The following CNTN5 variants were observed in gnomAD, a reference collection of about 807,000 sequenced individuals.
The protein encoded by CNTN5 is contactin-5.
CNTN5 carries 77 observed loss-of-function variants against 129.1 expected under a neutral mutation model. That is an observed-to-expected ratio of 0.60 (90% CI 0.50 to 0.72). The LOEUF (loss-of-function observed/expected upper bound fraction) is 0.72, where lower values mean the gene tolerates loss of function less well. Among genes scored for constraint, CNTN5 ranks in the 30% least tolerant of loss-of-function variants. The probability of loss-of-function intolerance (pLI) is 0.00; values close to 1 mark genes in which losing one functional copy is unlikely to be tolerated. For synonymous variants in CNTN5, 509 were observed against 465.6 expected (o/e 1.09, Z -1.20); for missense variants, 1,478 against 1,328.8 (o/e 1.11, Z -1.75).
intron 3 of CNTN5, among the ~76,000 whole-genome samples, chr11:99,660,038 A>G (rs150387065): frequency 6.6e-6 from 1 of 152,184 alleles, no homozygotes; most frequent in African/African-American, 2.4e-5. Context: ...ATTGGTTACC[A>G]GTATGCAGAA....
intron 3 of CNTN5, among the ~76,000 whole-genome samples, chr11:99,773,325 T>C (rs1945007657): frequency 1.3e-5 from 2 of 152,260 alleles, no homozygotes; most frequent in African/African-American, 4.8e-5. Flanking sequence ...GTTCTAAAAA[T>C]TATTGGTGAT....
chr11:99,570,332 T>C (rs1381226417), intron 3 of CNTN5, among the ~76,000 whole-genome samples: 3 of 152,280 alleles, frequency 2.0e-5, no homozygotes, highest in East Asian at 1.9e-4. Flanking sequence ...CCTGAAGGAA[T>C]TGACTGTTTT....
At chr11:100,150,666 T>TCATCAACACAA (rs1947025181) in intron 13 of CNTN5, among the ~76,000 whole-genome samples, 3 of 151,844 alleles carry the variant, frequency 2.0e-5, no homozygotes, top group Non-Finnish European at 4.4e-5. Flanking sequence ...ATCAGTAAAA[T>TCATCAACACAA]GTCATCAACA....
At chr11:99,306,025 A>G (rs531286071) in intron 1 of CNTN5, among the ~76,000 whole-genome samples, 1 of 152,254 alleles carries the variant, frequency 6.6e-6, no homozygotes, top group African/African-American at 2.4e-5. Context: ...AGATGTCTAG[A>G]AGAACTATGA....
At chr11:100,342,722 T>C (rs1368066781) in intron 23 of CNTN5, among the ~76,000 whole-genome samples, 3 of 152,170 alleles carry the variant, frequency 2.0e-5, no homozygotes, top group African/African-American at 7.2e-5. Flanking sequence ...CTAATGTTTC[T>C]AGAATGGATG....
chr11:99,167,028 T>C (rs1399100949), intron 1 of CNTN5, among the ~76,000 whole-genome samples: 1 of 152,204 alleles, frequency 6.6e-6, no homozygotes, highest in Non-Finnish European at 1.5e-5. Context: ...GAGGCTGCTG[T>C]GTACTTTTTC....
At chr11:99,527,256 A>G (rs1947522331) in intron 2 of CNTN5, among the ~76,000 whole-genome samples, 1 of 152,228 alleles carries the variant, frequency 6.6e-6, no homozygotes, top group Non-Finnish European at 1.5e-5. Flanking sequence ...ACATTTATTC[A>G]GCACAGCCAA....
intron 3 of CNTN5, among the ~76,000 whole-genome samples, chr11:99,701,859 G>C (rs1016576927): frequency 6.0e-5 from 9 of 150,774 alleles, no homozygotes; most frequent in Admixed American, 2.7e-4. Flanking sequence ...CTTTGACTTG[G>C]CCTTTAACAT....
chr11:99,187,632 A>T (rs1264428348), intron 1 of CNTN5, among the ~76,000 whole-genome samples: 2 of 151,816 alleles, frequency 1.3e-5, no homozygotes, highest in Admixed American at 6.6e-5. Context: ...ATGGTTTCAA[A>T]TGAACTTATC....
intron 2 of CNTN5, among the ~76,000 whole-genome samples, chr11:99,547,248 G>A (rs188200045): frequency 5.3e-5 from 8 of 152,006 alleles, no homozygotes; most frequent in Admixed American, 2.6e-4. Context: ...CAGGTGATCC[G>A]CCTGCCTCGG....
intron 4 of CNTN5, among the ~76,000 whole-genome samples, chr11:99,840,520 G>GAA (rs60299337): frequency 1.8e-4 from 27 of 146,028 alleles, no homozygotes; most frequent in African/African-American, 6.8e-4. Flanking sequence ...TCTTTTCTAA[G>GAA]AAAAAAAAAA....
In CNTN5 at chr11:99,623,748, T is replaced by TA. The variant is rs3029363; in HGVS notation, c.55+67490dup. 3.5e-3 allele frequency among the ~76,000 whole-genome samples: 491 copies of TA among 139,662 alleles called. 4 individuals are homozygous for TA. The highest frequency in any genetic ancestry group is 0.011 in the African/African-American group (430 of 37,886). The allele number at this position is 139,662 out of a possible 152,430, so 91.6% of individuals were successfully genotyped here. A position where few individuals can be genotyped will look rare whatever the true frequency, so the allele number is the denominator to read the frequency against. The stretch of plus-strand genomic sequence containing the variant: ...GTTTAGCAGAGAAAGATACAAAAAA[T>TA]AAAAAAAAAAAGATAAAAGCTGTGC... On this transcript the variant is annotated intron_variant, in intron 3 of 24. Transcript: ENST00000524871.
intron 1 of CNTN5, among the ~76,000 whole-genome samples, chr11:99,063,883 A>G (rs1437166326): frequency 1.3e-5 from 2 of 152,124 alleles, no homozygotes; most frequent in East Asian, 1.9e-4. Context: ...GCAACATATT[A>G]CAATTTGTGT....
At chr11:99,167,703 T>G (rs67874369) in intron 1 of CNTN5, among the ~76,000 whole-genome samples, 36,677 of 151,954 alleles carry the variant, frequency 0.24, 4,550 homozygotes, top group Middle Eastern at 0.27. Context: ...ACTTATGAAT[T>G]TATTCATTCT....
chr11:99,799,739 C>T (rs1946056389), intron 3 of CNTN5, among the ~76,000 whole-genome samples: 2 of 152,038 alleles, frequency 1.3e-5, no homozygotes, highest in East Asian at 1.9e-4. Flanking sequence ...GCTTTGGTAA[C>T]TTGGGTTGAT....
chr11:99,574,873 T>A (rs1485974181), intron 3 of CNTN5, among the ~76,000 whole-genome samples: 1 of 152,142 alleles, frequency 6.6e-6, no homozygotes, highest in Admixed American at 6.6e-5. Context: ...TGTCTGTTCA[T>A]TCTGATGATA....
chr11:99,675,228 G>C (rs184064889), intron 3 of CNTN5, among the ~76,000 whole-genome samples: 1 of 152,248 alleles, frequency 6.6e-6, no homozygotes, highest in East Asian at 1.9e-4. Flanking sequence ...TTAATAGAGA[G>C]TAAACCCATA....
chr11:99,049,586 C>G (rs180984229), intron 1 of CNTN5: 1 of 152,086 alleles, frequency 6.6e-6, no homozygotes, highest in East Asian at 1.9e-4. Flanking sequence ...TTTTTCAAAT[C>G]CCAGTCATCT....
intron 1 of CNTN5, among the ~76,000 whole-genome samples, chr11:99,202,436 T>A (rs907209663): frequency 5.3e-5 from 8 of 152,188 alleles, no homozygotes; most frequent in African/African-American, 1.9e-4. Flanking sequence ...TAAAATACTT[T>A]CAAATATACA....
Sources: gnomAD v4.1 joint callset for allele counts (sites outside exome capture counted in the v4.1 genomes callset) on GRCh38, gnomAD v4.1.1 for gene constraint, MANE v1.5 for transcripts, NCBI Gene and HGNC (gene_info 2026-07-23, HGNC 2026-07-21) for gene names.